Variants in ZNF836 observed in about 807,000 individuals in gnomAD.
ZNF836 encodes zinc finger protein 836.
In ZNF836, 12 loss-of-function variants were observed where a neutral mutation model predicts 7.4. That is an observed-to-expected ratio of 1.61 (90% CI 1.03 to 2.61). ZNF836 has a LOEUF of 2.61. Among genes scored for constraint, ZNF836 ranks in the 30% most tolerant of loss-of-function variants. The pLI is 0.00. For missense variants in ZNF836, 998 were observed against 1,126.2 expected, an observed-to-expected ratio of 0.89 and a Z score of 1.63; for synonymous variants, 365 against 382.6, an observed-to-expected ratio of 0.95 and a Z score of 0.54.
Position 52,155,834 on chromosome 19 carries a change from T to C in ZNF836, c.1849A>G (p.Lys617Glu), listed in dbSNP as rs2089151337. Residue 617 changes from lysine (K) to glutamate (E), a missense_variant, in exon 5 of 5, where the codon AAG (lysine) becomes GAG (glutamate). Coordinates refer to ENST00000682614, the MANE Select transcript of ZNF836 (RefSeq NM_001102657.3). ...QKPYKCNVCG[K>E]VFNDSGNLSN... ...AGGTTTCCACTGTCATTGAAGACCT[T>C]GCCACACACATTACATTTGTAAGGT... 6.2e-7 allele frequency: 1 copy of C among 1,613,936 alleles called. No individual in the cohort carries two copies. Among genetic ancestry groups the C allele is most frequent in the South Asian group, 1.1e-5 (1 of 91,074 alleles).
rs753087039 is a variant in ZNF836 at position 52,155,952 on chromosome 19, C to G, written c.1731G>C (p.Thr577=). 1.5e-5 allele frequency: 24 copies of G among 1,612,142 alleles called. No homozygotes were observed. In the Admixed American group the frequency reaches 4.0e-4, roughly 27 times the overall value. Residue 577 remains threonine, a synonymous_variant, in exon 5 of 5, where the codon ACG becomes ACC. Transcript: ENST00000682614. The part of the protein sequence containing the change: ...GNLSIHKRIH[T]GEKPFQCNEC... ...CATTACATTGGAAAGGTTTCTCTCC[C>G]GTATGTATTCTCTTATGAATTGAAA...
chr19:52,158,124 A>G (rs2089182764), intron 4 of ZNF836, among the ~76,000 whole-genome samples: 1 of 152,200 alleles, frequency 6.6e-6, no homozygotes, highest in Non-Finnish European at 1.5e-5. Context: ...TGAAAGACTC[A>G]TGTTGTGCAA....
At chr19:52,166,065 C>T (rs540814129) in intron 3 of ZNF836, among the ~76,000 whole-genome samples, 3 of 152,154 alleles carry the variant, frequency 2.0e-5, no homozygotes, top group African/African-American at 7.2e-5. Context: ...AATCTCAGCT[C>T]ACTGCAACCT....
At position 52,156,077 on chromosome 19, in the gene ZNF836, T is replaced by C; in HGVS notation, c.1606A>G (p.Ser536Gly). ...TGTCTTACAAGGCATGAATTTTCAC[T>C]AAAGACCTTTCCACATTCACCGCAT... ...YQCGECGKVFSENSCLVRHLR... is the reference protein window; with the variant it reads ...YQCGECGKVFGENSCLVRHLR... The change falls in exon 5 of 5, where the codon AGT becomes GGT. Residue 536 changes from serine (S) to glycine (G), a missense_variant. Physicochemically the swap from Ser to Gly is moderately conservative, Grantham distance 56 (BLOSUM62 0). Coordinates refer to ENST00000682614, the MANE Select transcript of ZNF836 (RefSeq NM_001102657.3). The C allele has an allele frequency of 6.2e-7, 1 of 1,614,062 alleles. No individual in the cohort carries two copies. Among genetic ancestry groups the C allele is most frequent in the Non-Finnish European group, 8.5e-7 (1 of 1,179,900 alleles).
rs2079185647 is a variant in ZNF836 at position 52,154,928 on chromosome 19, T to C, written c.2755A>G (p.Thr919Ala). 6.4e-7 allele frequency: 1 copy of C among 1,551,966 alleles called. No homozygotes were observed. The highest frequency in any genetic ancestry group is 8.7e-7 in the Non-Finnish European group (1 of 1,152,308). Residue 919 changes from threonine to alanine, a missense_variant, in exon 5 of 5, where the codon ACA becomes GCA. Thr to Ala is a moderately conservative substitution (Grantham distance 58, BLOSUM62 0). Transcript: ENST00000682614. The part of the protein sequence containing the change: ...QTKHTAESLK[T>A]KFNVEKPLDV... ...AAAGGCTTTTCCACATTGAATTTTG[T>C]TTTAAGACTCTCTGCAGTATGTTTT...
rs2089293865 is a variant in ZNF836 at position 52,169,719 on chromosome 19, G to C, written c.-152C>G. The C allele has an allele frequency of 6.6e-6, 1 of 151,916 alleles. No homozygotes were observed. The highest frequency in any genetic ancestry group is 6.6e-5 in the Admixed American group (1 of 15,226). 9.4% of individuals were successfully genotyped at this position (151,916 alleles called of 1,614,324 possible). On this transcript the variant is annotated 5_prime_UTR_variant, in exon 2 of 5. Coordinates refer to ENST00000682614, the MANE Select transcript of ZNF836 (RefSeq NM_001102657.3). ...GAGGCAGAAAGACTGCTTGAGCCCA[G>C]GAGGTTGAGGCTGCAGTGAGCGGAG...
chr19:52,161,030 G>A lies in ZNF836; in HGVS notation c.16-439C>T, dbSNP rs753625688. Among the ~76,000 whole-genome samples, 1 of 152,182 alleles carries A rather than the reference G, an allele frequency of 6.6e-6. No individual in the cohort carries two copies. The highest frequency in any genetic ancestry group is 1.5e-5 in the Non-Finnish European group (1 of 68,030). ...TGAAGTTTTGGAACACTCCCCATGT[G>A]CTGGGCATTACTCCAAATGCTTTAC... is the stretch of plus-strand genomic sequence containing the variant. On this transcript the variant is annotated intron_variant, in intron 3 of 4. Coordinates refer to ENST00000682614, the MANE Select transcript of ZNF836 (RefSeq NM_001102657.3). This position sits in a 1 kb window ranked among gnomAD's most constrained non-coding sequence, Gnocchi z 4.1.
intron 3 of ZNF836, among the ~76,000 whole-genome samples, chr19:52,163,668 G>C (rs1600142103): frequency 6.6e-6 from 1 of 152,136 alleles, no homozygotes; most frequent in Non-Finnish European, 1.5e-5. Flanking sequence ...ACTGGTTTCT[G>C]TCTTGCCTGA....
At position 52,160,586 on chromosome 19, in the gene ZNF836, A is replaced by G. The variant is rs1016476913; in HGVS notation, c.21T>C (p.Pro7=). Residue 7 remains proline (P), a synonymous_variant, in exon 4 of 5, where the codon CCT becomes CCC. Transcript: ENST00000682614. Reference sequence around the variant, plus strand: ...CTATGGCTACATCCCTGAATGTCAAAGGTCCCTGAAATGAAAAACACATTT... The same window carrying G: ...CTATGGCTACATCCCTGAATGTCAAGGGTCCCTGAAATGAAAAACACATTT... MALTQG[P]LTFRDVAIEF... is the part of the protein sequence containing the mutation. The G allele has an allele frequency of 2.7e-5, 44 of 1,606,118 alleles. No individual in the cohort carries two copies. Among genetic ancestry groups the G allele is most frequent in the Non-Finnish European group, 3.1e-5 (36 of 1,178,018 alleles).
At chr19:52,158,240 T>C (rs905919843) in intron 4 of ZNF836, among the ~76,000 whole-genome samples, 4 of 152,150 alleles carry the variant, frequency 2.6e-5, no homozygotes, top group East Asian at 1.9e-4. Flanking sequence ...GTTATATACA[T>C]ATATATTTAC....
chr19:52,165,436 AT>A, intron 3 of ZNF836: 2 of 152,372 alleles, frequency 1.3e-5, no homozygotes, highest in Middle Eastern at 3.4e-3. Flanking sequence ...TAACATAAAA[AT>A]ATGTACACTT....
chr19:52,163,706 A>G (rs1221641667), intron 3 of ZNF836, among the ~76,000 whole-genome samples: 1 of 152,178 alleles, frequency 6.6e-6, no homozygotes, highest in African/African-American at 2.4e-5. Flanking sequence ...AACAGGATGA[A>G]AGGTTAGGGG....
intron 3 of ZNF836, 172 bp from the exon 4 acceptor site, chr19:52,160,763 T>C (rs2089206642): frequency 4.1e-6 from 3 of 733,572 alleles, no homozygotes; most frequent in Admixed American, 3.4e-5. Context: ...TAAAATTCAA[T>C]AGAAGATTAT....
Position 52,157,101 on chromosome 19 carries a change from T to A in ZNF836, c.582A>T (p.Lys194Asn). The change falls in exon 5 of 5, where the codon AAA (lysine) becomes AAT (asparagine). Residue 194 changes from lysine (K) to asparagine (N), a missense_variant. Lys to Asn is a moderately conservative substitution (Grantham distance 94, BLOSUM62 0). Transcript: ENST00000682614. ...ACAGCTGCAAAAACTCATTCTCATA[T>A]TTTTTAGAAATGTTGGTTTGGACAC... Reference protein sequence around the residue: ...LPSVQTNISKKYENEFLQLSL... With the variant: ...LPSVQTNISKNYENEFLQLSL... 1 of 1,613,894 alleles carries A rather than the reference T, an allele frequency of 6.2e-7. No individual in the cohort carries two copies.
intron 3 of ZNF836, 167 bp from the exon 4 acceptor site, chr19:52,160,758 T>C: frequency 1.3e-6 from 1 of 772,672 alleles, no homozygotes; most frequent in Non-Finnish European, 2.0e-6. Flanking sequence ...TGTTTTAAAA[T>C]TCAATAGAAG....
chr19:52,157,461 C>T lies in ZNF836; in HGVS notation c.222G>A (p.Thr74=), dbSNP rs377598304. 3.3e-5 allele frequency: 53 copies of T among 1,595,282 alleles called. 1 individual carries two copies. In the African/African-American group the frequency reaches 3.4e-4, roughly 10 times the overall value. ...SNTGEKCQTV[T]LERHECYDVE... Reference sequence around the variant, plus strand: ...CATCATAACATTCATGTCTTTCCAGCGTCACTGTTTGGCATTTTTCTCCTG... The same window carrying T: ...CATCATAACATTCATGTCTTTCCAGTGTCACTGTTTGGCATTTTTCTCCTG... The change falls in exon 5 of 5, where the codon ACG becomes ACA. Residue 74 remains threonine, a synonymous_variant. Coordinates refer to ENST00000682614, the MANE Select transcript of ZNF836 (RefSeq NM_001102657.3).
Position 52,157,550 on chromosome 19 carries a change from A to G in ZNF836, c.143-10T>C, listed in dbSNP as rs956031707. 7 of 1,479,278 alleles carry G rather than the reference A, an allele frequency of 4.7e-6. No homozygotes were observed. The highest frequency in any genetic ancestry group is 6.3e-6 in the Non-Finnish European group (7 of 1,118,992). 91.6% of individuals were successfully genotyped at this position (1,479,278 alleles called of 1,614,324 possible). A position where few individuals can be genotyped will look rare whatever the true frequency, so the allele number is the denominator to read the frequency against. On this transcript the variant is annotated splice_polypyrimidine_tract_variant and intron_variant, in intron 4 of 4. Coordinates refer to ENST00000682614, the MANE Select transcript of ZNF836 (RefSeq NM_001102657.3). ...CATTTAGGAAGGATACCTACAAAAT[A>G]TAATGAACATGGGAGTTTTTTCGTT...
chr19:52,164,951 A>G (rs771249407), intron 3 of ZNF836, among the ~76,000 whole-genome samples: 13 of 152,060 alleles, frequency 8.5e-5, no homozygotes, highest in Non-Finnish European at 1.8e-4. Flanking sequence ...TTAGCTGGGT[A>G]TGGTGGTGAG....
chr19:52,166,148 C>T (rs1354329530), intron 3 of ZNF836, among the ~76,000 whole-genome samples: 5 of 152,032 alleles, frequency 3.3e-5, no homozygotes, highest in Non-Finnish European at 1.5e-5. Context: ...TGCGCCACCA[C>T]GCCAGGCTAA....
Sources: allele counts gnomAD v4.1 joint callset (sites outside exome capture counted in the v4.1 genomes callset), GRCh38; gene constraint gnomAD v4.1.1; non-coding constraint Gnocchi (gnomAD v3.1); transcripts MANE v1.5; gene names NCBI Gene and HGNC (gene_info 2026-07-23, HGNC 2026-07-21).